EZH1: variants seen among roughly 807,000 people sequenced by gnomAD.
The protein encoded by EZH1 is enhancer of zeste 1 polycomb repressive complex 2 subunit.
EZH1 carries 33 observed loss-of-function variants against 100.5 expected under a neutral mutation model. The ratio of observed to expected loss-of-function variants is 0.33; its 90% CI spans 0.25 to 0.44. The LOEUF (loss-of-function observed/expected upper bound fraction) is 0.44, where lower values mean the gene tolerates loss of function less well. Ranked by LOEUF, EZH1 falls within the 20% of genes least tolerant of loss-of-function variation. The pLI is 1.00. For missense variants in EZH1, 475 were observed against 928.4 expected, an observed-to-expected ratio of 0.51 and a Z score of 6.35; for synonymous variants, 272 against 313.8, an observed-to-expected ratio of 0.87 and a Z score of 1.41.
intron 1 of EZH1, among the ~76,000 whole-genome samples, chr17:42,732,570 T>C (rs1443096667): frequency 1.3e-5 from 2 of 151,832 alleles, no homozygotes; most frequent in Non-Finnish European, 2.9e-5. Context: ...AGATCGAGAC[T>C]ATCCTGGCTA....
At chr17:42,730,535 C>T (rs1395677395) in intron 2 of EZH1, among the ~76,000 whole-genome samples, 2 of 108,574 alleles carry the variant, frequency 1.8e-5, no homozygotes, top group East Asian at 6.2e-4. Flanking sequence ...CTCGCTCTGT[C>T]GCCCAGGCTG....
In EZH1 at chr17:42,718,108, C is replaced by T. The variant is rs1355717946; in HGVS notation, c.932-41G>A. On this transcript the variant is annotated intron_variant, in intron 9 of 20. Coordinates refer to ENST00000428826, the MANE Select transcript of EZH1 (RefSeq NM_001991.5). This position sits in a 1 kb window ranked among gnomAD's most constrained non-coding sequence, Gnocchi z 4.2. ...TGTCTTGTTGCCAGTGGTCTATCCA[C>T]TTGACAAGATGGGGAGAAACAAAAG... is the stretch of plus-strand genomic sequence containing the variant. The T allele has an allele frequency of 6.5e-7, 1 of 1,547,644 alleles. No individual in the cohort carries two copies. The highest frequency in any genetic ancestry group is 1.1e-5 in the South Asian group (1 of 89,420).
chr17:42,704,590 G>C lies in EZH1; in HGVS notation c.2017+12C>G. The stretch of plus-strand genomic sequence containing the variant: ...AAAGACCACCTTGGGATGAGACAAA[G>C]TGACTTCATACCATTATTGAGGTTG... On this transcript the variant is annotated intron_variant, in intron 18 of 20. Coordinates refer to ENST00000428826, the MANE Select transcript of EZH1 (RefSeq NM_001991.5). 1.3e-6 allele frequency: 2 copies of C among 1,598,834 alleles called. No individual in the cohort carries two copies. Among genetic ancestry groups the C allele is most frequent in the South Asian group, 1.1e-5 (1 of 89,284 alleles).
rs573763330 is a variant in EZH1, at chr17:42,708,099, G to C, written c.1535-16C>G. 5 of 1,590,776 alleles carry C rather than the reference G, an allele frequency of 3.1e-6. No individual in the cohort carries two copies. The Admixed American group carries it at 7.0e-5, about 22-fold the overall frequency. The stretch of plus-strand genomic sequence containing the variant: ...GAAGAGTTATCTAGGAAAGAAAACA[G>C]AGGAGGATGCTGCTGTGACCATACT... On this transcript the variant is annotated splice_polypyrimidine_tract_variant and intron_variant, in intron 14 of 20. Transcript: ENST00000428826.
chr17:42,726,438 G>A (rs2053822846), intron 4 of EZH1, among the ~76,000 whole-genome samples: 1 of 151,810 alleles, frequency 6.6e-6, no homozygotes, highest in Non-Finnish European at 1.5e-5. Flanking sequence ...CTATGATCAT[G>A]ACACTGCACT....
Position 42,713,368 on chromosome 17 carries a change from T to C in EZH1, c.1045A>G (p.Met349Val), listed in dbSNP as rs2053527653. 6.2e-7 allele frequency: 1 copy of C among 1,607,474 alleles called. No individual in the cohort carries two copies. The highest frequency in any genetic ancestry group is 1.3e-5 in the African/African-American group (1 of 74,814). ...LLLEGAKEYA[M>V]LHNPRSKCSG... ...CACTTGGAGCGGGGGTTGTGGAGCA[T>C]GGCATACTCCTTTGCTCCTTCCTGC... The change falls in exon 11 of 21, where the codon ATG becomes GTG. Residue 349 changes from methionine (M) to valine (V), a missense_variant. Met to Val is a conservative substitution (Grantham distance 21). Transcript: ENST00000428826.
intron 19 of EZH1, 183 bp downstream of exon 19, chr17:42,703,557 A>G (rs2053287791): frequency 1.7e-6 from 1 of 600,750 alleles, no homozygotes; most frequent in Non-Finnish European, 3.0e-6. Flanking sequence ...TTTATAATGT[A>G]TTCGCTGAAA....
rs2053351385 is a variant in EZH1, at chr17:42,706,250, T to G, written c.1661-65A>C. ...GCTAATACTGGGGCTTGTGGTTGAC[T>G]CAAGGGACAGCAAAGAAGTAAATTT... is the stretch of plus-strand genomic sequence containing the variant. On this transcript the variant is annotated intron_variant, in intron 15 of 20. Coordinates refer to ENST00000428826, the MANE Select transcript of EZH1 (RefSeq NM_001991.5). This position sits in a 1 kb window ranked among gnomAD's most constrained non-coding sequence, Gnocchi z 4.4. 2 of 1,401,970 alleles carry G rather than the reference T, an allele frequency of 1.4e-6. No homozygotes were observed. Among genetic ancestry groups the G allele is most frequent in the African/African-American group, 2.9e-5 (2 of 69,350 alleles). The allele number at this position is 1,401,970 out of a possible 1,614,324, so 86.8% of individuals were successfully genotyped here. A position where few individuals can be genotyped will look rare whatever the true frequency, so the allele number is the denominator to read the frequency against.
Position 42,718,664 on chromosome 17 carries a change from A to G in EZH1, c.768-47T>C. ...AGAGTTCCTCCGAGGAACTGCCTCC[A>G]CTGAGGAAATACAGATTGGGTACTG... On this transcript the variant is annotated intron_variant, in intron 8 of 20. Transcript: ENST00000428826. The surrounding 1 kb of genome is among the most constrained non-coding windows in gnomAD (Gnocchi z 4.2). The G allele has an allele frequency of 6.2e-7, 1 of 1,602,144 alleles. No individual in the cohort carries two copies.
At chr17:42,713,547 G>T (rs1372646965) in intron 10 of EZH1, among the ~76,000 whole-genome samples, 158 bp from the exon 11 acceptor site, 1 of 152,152 alleles carries the variant, frequency 6.6e-6, no homozygotes, top group East Asian at 1.9e-4. Context: ...AACAATGAGA[G>T]CTGCTTAACA....
chr17:42,741,641 G>A (rs1006051733), intron 1 of EZH1, among the ~76,000 whole-genome samples: 1 of 152,140 alleles, frequency 6.6e-6, no homozygotes, highest in African/African-American at 2.4e-5. Flanking sequence ...ATGAAGCCAG[G>A]TTTCAGACCC....
At chr17:42,729,593 G>A (rs1017735911) in intron 2 of EZH1, among the ~76,000 whole-genome samples, 54 of 147,836 alleles carry the variant, frequency 3.7e-4, no homozygotes, top group Non-Finnish European at 4.5e-4. Flanking sequence ...AAAAAAATTA[G>A]TCGGGCATGG....
At chr17:42,711,429 T>C (rs1422695477) in intron 12 of EZH1, among the ~76,000 whole-genome samples, 2 of 151,940 alleles carry the variant, frequency 1.3e-5, no homozygotes, top group Non-Finnish European at 2.9e-5. Flanking sequence ...GCTGAGATCA[T>C]GCCACTGCAC....
At chr17:42,714,566 G>C (rs1051216941) in intron 10 of EZH1, 14 of 306,862 alleles carry the variant, frequency 4.6e-5, no homozygotes, top group Non-Finnish European at 8.6e-5. Context: ...TGGTGCAGGA[G>C]CAAGTGTGCT....
intron 10 of EZH1, among the ~76,000 whole-genome samples, chr17:42,717,268 C>T (rs79322956): frequency 5.3e-5 from 8 of 152,264 alleles, no homozygotes; most frequent in Middle Eastern, 3.4e-3. Flanking sequence ...TTTTACAGTA[C>T]GGCCCATTTT....
In EZH1 at chr17:42,707,842, C is replaced by T. The variant is rs538954622; in HGVS notation, c.1660+116G>A. On this transcript the variant is annotated intron_variant, in intron 15 of 20. Transcript: ENST00000428826. Reference sequence around the variant, plus strand: ...TTTCATTTGTAGAATCCCTAAAACACAGCAAAGGGGATATCAGAAGGCCAT... The same window carrying T: ...TTTCATTTGTAGAATCCCTAAAACATAGCAAAGGGGATATCAGAAGGCCAT... 70 of 1,290,948 alleles carry T rather than the reference C, an allele frequency of 5.4e-5. No homozygotes were observed. The East Asian group carries it at 1.1e-3, about 20-fold the overall frequency. The allele number at this position is 1,290,948 out of a possible 1,614,324, so 80.0% of individuals were successfully genotyped here. A position where few individuals can be genotyped will look rare whatever the true frequency, so the allele number is the denominator to read the frequency against.
In EZH1 at chr17:42,718,101, C is replaced by G; in HGVS notation, c.932-34G>C. ...CAAAAACTGTCTTGTTGCCAGTGGT[C>G]TATCCACTTGACAAGATGGGGAGAA... On this transcript the variant is annotated intron_variant, in intron 9 of 20. Transcript: ENST00000428826. The surrounding 1 kb of genome is among the most constrained non-coding windows in gnomAD (Gnocchi z 4.2). 6.4e-7 allele frequency: 1 copy of G among 1,566,046 alleles called. No homozygotes were observed. Among genetic ancestry groups the G allele is most frequent in the Non-Finnish European group, 8.8e-7 (1 of 1,137,218 alleles).
chr17:42,744,738 T>C (rs1026904844), intron 1 of EZH1, among the ~76,000 whole-genome samples: 2 of 145,262 alleles, frequency 1.4e-5, no homozygotes, highest in South Asian at 2.4e-4. Flanking sequence ...GGATTCCCCG[T>C]CCCCGAGCCC....
chr17:42,704,224 A>G (rs536637888), intron 18 of EZH1, among the ~76,000 whole-genome samples: 1 of 152,238 alleles, frequency 6.6e-6, no homozygotes, highest in East Asian at 1.9e-4. Flanking sequence ...CTTGGACTAC[A>G]GCAAGGGCAA....
Sources: allele counts gnomAD v4.1 joint callset (sites outside exome capture counted in the v4.1 genomes callset), GRCh38; gene constraint gnomAD v4.1.1; non-coding constraint Gnocchi (gnomAD v3.1); transcripts MANE v1.5; gene names NCBI Gene and HGNC (gene_info 2026-07-23, HGNC 2026-07-21).